The following DSE variants were observed in gnomAD, a reference collection of about 807,000 sequenced individuals.
DSE encodes the protein dermatan-sulfate epimerase.
A neutral mutation model predicts 84.4 loss-of-function variants in DSE; 36 were observed. The ratio of observed to expected loss-of-function variants is 0.43; its 90% confidence interval spans 0.33 to 0.56. The LOEUF is 0.56. Among genes scored for constraint, DSE ranks in the 20% least tolerant of loss-of-function variants. DSE has a pLI of 0.06. For synonymous variants in DSE, 410 were observed against 430.1 expected, an observed-to-expected ratio of 0.95 and a Z score of 0.58; for missense variants, 862 against 1,169.6, an observed-to-expected ratio of 0.74 and a Z score of 3.84.
intron 2 of DSE, among the ~76,000 whole-genome samples, chr6:116,287,862 T>C (rs1364278512): frequency 6.6e-6 from 1 of 152,142 alleles, no homozygotes; most frequent in African/African-American, 2.4e-5. Context: ...ATGTCATTCC[T>C]ATTGATGCTC....
chr6:116,294,418 T>G (rs1167614344), intron 2 of DSE, among the ~76,000 whole-genome samples: 1 of 152,220 alleles, frequency 6.6e-6, no homozygotes, highest in Non-Finnish European at 1.5e-5. Context: ...AGAATTGTAT[T>G]GACAGTAACA....
chr6:116,399,321 T>C lies in DSE; in HGVS notation c.71T>C (p.Ile24Thr). The C allele has an allele frequency of 6.2e-7, 1 of 1,614,096 alleles. No homozygotes were observed. Among genetic ancestry groups the C allele is most frequent in the South Asian group, 1.1e-5 (1 of 91,086 alleles). Residue 24 changes from isoleucine to threonine, a missense_variant, in exon 2 of 6, where the codon ATC becomes ACC. Ile to Thr is a moderately conservative substitution (Grantham distance 89, BLOSUM62 -1). Transcript: ENST00000644252. ...IYLLCFVSAY[I>T]TDENPEVMIP... ...TTGCTTTGCTTTGTGTCAGCCTACA[T>C]CACCGACGAGAACCCAGAAGTTATG...
chr6:116,372,416 CGAGA>C (rs1779655583), intron 1 of DSE, among the ~76,000 whole-genome samples: 1 of 152,046 alleles, frequency 6.6e-6, no homozygotes, highest in Non-Finnish European at 1.5e-5. Context: ...TGCAGTGAGC[CGAGA>C]TTGCGCCACT....
At chr6:116,284,747 C>T (rs551295341) in intron 2 of DSE, among the ~76,000 whole-genome samples, 1 of 148,570 alleles carries the variant, frequency 6.7e-6, no homozygotes, top group South Asian at 2.1e-4. Context: ...TCAATTCCCA[C>T]CTATGAGTGA....
At chr6:116,356,908 C>T (rs1352792384) in intron 2 of DSE, among the ~76,000 whole-genome samples, 2 of 152,184 alleles carry the variant, frequency 1.3e-5, no homozygotes, top group Admixed American at 6.5e-5. Flanking sequence ...ATAACTAATG[C>T]GTCCAAATTC....
chr6:116,408,007 C>T (rs1430693412), intron 2 of DSE, among the ~76,000 whole-genome samples: 1 of 152,174 alleles, frequency 6.6e-6, no homozygotes, highest in African/African-American at 2.4e-5. Context: ...CTGATTTATA[C>T]CTTGTCTTCC....
chr6:116,324,254 G>A (rs1051322179), intron 2 of DSE, among the ~76,000 whole-genome samples: 1 of 152,172 alleles, frequency 6.6e-6, no homozygotes, highest in African/African-American at 2.4e-5. Flanking sequence ...GCCATTGGCA[G>A]GTGGGCAGAT....
At chr6:116,299,229 C>A (rs1200062539) in intron 2 of DSE, among the ~76,000 whole-genome samples, 3 of 151,702 alleles carry the variant, frequency 2.0e-5, no homozygotes, top group African/African-American at 7.3e-5. Flanking sequence ...ATGCCACTGG[C>A]AAAACTTGGT....
At chr6:116,340,097 G>A (rs1310990451) in intron 2 of DSE, among the ~76,000 whole-genome samples, 2 of 152,226 alleles carry the variant, frequency 1.3e-5, no homozygotes, top group Non-Finnish European at 2.9e-5. Context: ...CAGAGAGCCA[G>A]AGAGAAGAGT....
intron 2 of DSE, among the ~76,000 whole-genome samples, chr6:116,353,141 A>G (rs1327645548): frequency 6.6e-6 from 1 of 152,174 alleles, no homozygotes; most frequent in African/African-American, 2.4e-5. Flanking sequence ...TAAAATATAC[A>G]TAGGAGTAAA....
At chr6:116,400,040 A>G (rs1583173688) in intron 2 of DSE, 1 of 181,934 alleles carries the variant, frequency 5.5e-6, no homozygotes, top group Non-Finnish European at 1.2e-5. Flanking sequence ...TTGCAGCAAG[A>G]CATTTCAAGT....
At chr6:116,431,901 G>C (rs1490325990) in intron 4 of DSE, among the ~76,000 whole-genome samples, 2 of 152,036 alleles carry the variant, frequency 1.3e-5, no homozygotes, top group African/African-American at 4.8e-5. Flanking sequence ...AATTTTATCA[G>C]GATAGATTCC....
chr6:116,317,089 G>A (rs4259281), intron 2 of DSE, among the ~76,000 whole-genome samples: 48,689 of 152,046 alleles, frequency 0.32, 8,416 homozygotes, highest in East Asian at 0.65. Context: ...AGAAAGAGAA[G>A]GGGAAGAATG....
At position 116,399,160 on chromosome 6, in the gene DSE, G is replaced by C. The variant is rs1295880506; in HGVS notation, c.-53-38G>C. On this transcript the variant is annotated intron_variant, in intron 1 of 5. Transcript: ENST00000644252. ...TTCCACACCTGTGCCATGTTCCCTT[G>C]GCTGACAGACACTTTTTTTCCTTTT... 1.9e-6 allele frequency: 3 copies of C among 1,561,596 alleles called. No homozygotes were observed. The African/African-American group carries it at 4.1e-5, about 21-fold the overall frequency.
At chr6:116,281,465 T>G (rs560505528) in intron 2 of DSE, among the ~76,000 whole-genome samples, 1 of 152,206 alleles carries the variant, frequency 6.6e-6, no homozygotes, top group Non-Finnish European at 1.5e-5. Context: ...GTGCCTCAAG[T>G]TGTTTCTAAT....
At chr6:116,400,130 A>G (rs1471019631) in intron 2 of DSE, 4 of 153,410 alleles carry the variant, frequency 2.6e-5, no homozygotes, top group African/African-American at 9.6e-5. Flanking sequence ...TTATAAACAC[A>G]TCCCCTCCAA....
chr6:116,268,545 A>T (rs1403097769), intron 2 of DSE, among the ~76,000 whole-genome samples: 1 of 152,210 alleles, frequency 6.6e-6, no homozygotes, highest in Non-Finnish European at 1.5e-5. Context: ...GAGCTGGAAA[A>T]TTATTTTATA....
chr6:116,390,586 TAAA>T (rs980509078), intron 1 of DSE, among the ~76,000 whole-genome samples: 4 of 152,102 alleles, frequency 2.6e-5, no homozygotes, highest in Non-Finnish European at 5.9e-5. Flanking sequence ...AATATTAAAA[TAAA>T]AAATTCTGAA....
intron 2 of DSE, among the ~76,000 whole-genome samples, chr6:116,407,911 G>T (rs1365691730): frequency 1.3e-5 from 2 of 152,186 alleles, no homozygotes; most frequent in African/African-American, 4.8e-5. Context: ...GTTGGACCAT[G>T]TGGCACTGGT....
Sources: allele counts gnomAD v4.1 joint callset (sites outside exome capture counted in the v4.1 genomes callset), GRCh38; gene constraint gnomAD v4.1.1; transcripts MANE v1.5; gene names NCBI Gene and HGNC (gene_info 2026-07-23, HGNC 2026-07-21).